Variants in TRERF1 observed in about 807,000 individuals in gnomAD.
The protein encoded by TRERF1 is transcriptional regulating factor 1.
In TRERF1, 27 loss-of-function variants were observed where a neutral mutation model predicts 122.9. That is an observed-to-expected ratio of 0.22 (90% CI 0.16 to 0.30). The LOEUF is 0.30. TRERF1 is among the 10% of genes least tolerant of loss of function. The probability of loss-of-function intolerance (pLI) is 1.00; values close to 1 mark genes in which losing one functional copy is unlikely to be tolerated. For synonymous variants in TRERF1, 636 were observed against 641.7 expected, an observed-to-expected ratio of 0.99 and a Z score of 0.13; for missense variants, 1,248 against 1,560.3, an observed-to-expected ratio of 0.80 and a Z score of 3.37.
At chr6:42,264,522 CTGGGGAA>C (rs1438740538) in intron 7 of TRERF1, among the ~76,000 whole-genome samples, 175 bp downstream of exon 7, 1 of 152,236 alleles carries the variant, frequency 6.6e-6, no homozygotes, top group Non-Finnish European at 1.5e-5. Flanking sequence ...CATCATAAAG[CTGGGGAA>C]GTGGGGCTGC....
At chr6:42,349,658 G>A (rs1769020092) in intron 3 of TRERF1, among the ~76,000 whole-genome samples, 1 of 152,110 alleles carries the variant, frequency 6.6e-6, no homozygotes, top group Non-Finnish European at 1.5e-5. Flanking sequence ...GCCTTTATTT[G>A]CTTCCTATCT....
intron 3 of TRERF1, among the ~76,000 whole-genome samples, chr6:42,329,402 C>T (rs1290138215): frequency 2.0e-5 from 3 of 152,032 alleles, no homozygotes; most frequent in Admixed American, 6.5e-5. Context: ...GGTCTTGGAA[C>T]GCTCCAGCCA....
chr6:42,375,051 A>G (rs962599705), intron 2 of TRERF1, among the ~76,000 whole-genome samples: 2 of 151,256 alleles, frequency 1.3e-5, no homozygotes, highest in Non-Finnish European at 2.9e-5. Context: ...TGTTTTGCCC[A>G]AAAGTAATTA....
At chr6:42,411,028 G>A (rs917638587) in intron 2 of TRERF1, among the ~76,000 whole-genome samples, 2 of 152,170 alleles carry the variant, frequency 1.3e-5, no homozygotes, top group Non-Finnish European at 2.9e-5. Context: ...TGGGGAAGGG[G>A]ACAGCCTAGA....
Position 42,268,384 on chromosome 6 carries a change from C to T in TRERF1, c.1207G>A (p.Glu403Lys), listed in dbSNP as rs1369503579. 6.5e-7 allele frequency: 1 copy of T among 1,540,342 alleles called. No individual in the cohort carries two copies. Among genetic ancestry groups the T allele is most frequent in the Admixed American group, 2.0e-5 (1 of 49,302 alleles). The change falls in exon 5 of 18, where the codon GAG (glutamate) becomes AAG (lysine). Residue 403 changes from glutamate to lysine, a missense_variant. Around this residue, in one of 5 missense-constraint regions of TRERF1, gnomAD observed 946 missense variants for 1,073.0 expected, o/e 0.88. Transcript: ENST00000372922. This position sits in a 1 kb window ranked among gnomAD's most constrained non-coding sequence, Gnocchi z 4.4. ...GAGTAGGTCTTCAGCTGACTGTCCT[C>T]ACGCTGCTGGTGCTGGGACAGGTGG... is the stretch of plus-strand genomic sequence containing the variant.
At chr6:42,254,505 G>A (rs1776363213) in intron 13 of TRERF1, among the ~76,000 whole-genome samples, 2 of 152,188 alleles carry the variant, frequency 1.3e-5, no homozygotes, top group Admixed American at 6.5e-5. Flanking sequence ...GCCAAGGGGT[G>A]CGGTAGAATC....
At chr6:42,444,640 G>A (rs1203774541) in intron 2 of TRERF1, among the ~76,000 whole-genome samples, 1 of 151,992 alleles carries the variant, frequency 6.6e-6, no homozygotes, top group Non-Finnish European at 1.5e-5. Context: ...CCTTACAAAG[G>A]CCAGATCTTC....
At position 42,424,841 on chromosome 6, in the gene TRERF1, C is replaced by T. The variant is rs994029671; in HGVS notation, c.-454+26336G>A. On this transcript the variant is annotated intron_variant, in intron 2 of 17. Transcript: ENST00000372922. ...TACACTTTTCTTTCATAGCTCATAC[C>T]GTTGTCCATAATTAAACATTTGTGG... 5.9e-5 allele frequency among the ~76,000 whole-genome samples: 9 copies of T among 152,318 alleles called. No individual in the cohort carries two copies. The East Asian group carries it at 9.6e-4, about 16-fold the overall frequency.
At chr6:42,262,233 A>G (rs945909654) in intron 8 of TRERF1, among the ~76,000 whole-genome samples, 1 of 151,870 alleles carries the variant, frequency 6.6e-6, no homozygotes, top group Non-Finnish European at 1.5e-5. Context: ...ACTTGATATT[A>G]CACCATAAAG....
chr6:42,364,428 C>T (rs886253542), intron 2 of TRERF1, among the ~76,000 whole-genome samples: 17 of 152,204 alleles, frequency 1.1e-4, no homozygotes, highest in African/African-American at 4.1e-4. Flanking sequence ...TTCCCTTAGA[C>T]TGTAAATTCC....
intron 3 of TRERF1, among the ~76,000 whole-genome samples, chr6:42,319,919 T>G (rs1405499866): frequency 6.6e-6 from 1 of 151,878 alleles, no homozygotes; most frequent in Non-Finnish European, 1.5e-5. Flanking sequence ...GTTTTTGTTT[T>G]GAGATGGAGT....
intron 2 of TRERF1, among the ~76,000 whole-genome samples, chr6:42,437,033 C>T (rs1785575400): frequency 6.6e-6 from 1 of 151,952 alleles, no homozygotes; most frequent in South Asian, 2.1e-4. Context: ...GACTTCCATT[C>T]CATAAATACG....
intron 3 of TRERF1, among the ~76,000 whole-genome samples, chr6:42,315,737 C>T (rs1287303700): frequency 7.0e-6 from 1 of 142,458 alleles, no homozygotes; most frequent in Non-Finnish European, 1.5e-5. Flanking sequence ...CACCCCCTAA[C>T]GTCATAGTGA....
chr6:42,269,425 G>C lies in TRERF1; in HGVS notation c.166C>G (p.His56Asp), dbSNP rs140151920. The change falls in exon 5 of 18, where the codon CAC becomes GAC. Residue 56 changes from histidine to aspartate, a missense_variant. Physicochemically the swap from His to Asp is moderately conservative, Grantham distance 81. Coordinates refer to ENST00000372922, the Ensembl canonical transcript of TRERF1. This position sits in a 1 kb window ranked among gnomAD's most constrained non-coding sequence, Gnocchi z 4.9. Reference sequence around the variant, plus strand: ...CCATCCCGTGTATCTTGAGGGAAGTGGGGGGAGATTGGCGAGGCCTGAGGG... The same window carrying C: ...CCATCCCGTGTATCTTGAGGGAAGTCGGGGGAGATTGGCGAGGCCTGAGGG... The C allele has an allele frequency of 6.2e-7, 1 of 1,614,196 alleles. No homozygotes were observed. The highest frequency in any genetic ancestry group is 1.1e-5 in the South Asian group (1 of 91,084).
At chr6:42,292,414 C>G (rs1174897818) in intron 4 of TRERF1, among the ~76,000 whole-genome samples, 1 of 152,188 alleles carries the variant, frequency 6.6e-6, no homozygotes, top group Non-Finnish European at 1.5e-5. Flanking sequence ...CTGAAAGCAC[C>G]TGTGTCCAGG....
intron 2 of TRERF1, among the ~76,000 whole-genome samples, chr6:42,423,915 T>C (rs1783219343): frequency 6.6e-6 from 1 of 152,186 alleles, no homozygotes; most frequent in South Asian, 2.1e-4. Context: ...TCTTAGATAA[T>C]CTGCATCCCA....
chr6:42,397,199 C>T (rs918789326), intron 2 of TRERF1, among the ~76,000 whole-genome samples: 3 of 152,046 alleles, frequency 2.0e-5, no homozygotes, highest in African/African-American at 7.2e-5. Flanking sequence ...AGGGCATCAT[C>T]GGAGTATGGA....
At chr6:42,405,285 C>G (rs548935892) in intron 2 of TRERF1, among the ~76,000 whole-genome samples, 133 of 152,192 alleles carry the variant, frequency 8.7e-4, no homozygotes, top group Non-Finnish European at 1.6e-3. Flanking sequence ...CCTTAAGATG[C>G]GAGGCCCCAG....
At chr6:42,299,692 GA>G (rs1226329549) in intron 4 of TRERF1, among the ~76,000 whole-genome samples, 4 of 152,080 alleles carry the variant, frequency 2.6e-5, no homozygotes, top group Non-Finnish European at 5.9e-5. Context: ...GGACATTTAA[GA>G]AAAAAAGTTG....
Sources: gnomAD v4.1 joint callset for allele counts (sites outside exome capture counted in the v4.1 genomes callset) on GRCh38, gnomAD v4.1.1 for gene constraint, gnomAD v4.1.1 regional missense constraint, Gnocchi (gnomAD v3.1) non-coding constraint, MANE v1.5 for transcripts, NCBI Gene and HGNC (gene_info 2026-07-23, HGNC 2026-07-21) for gene names.